DTNB: variants seen among roughly 807,000 people sequenced by gnomAD.
The protein encoded by DTNB is DTN-B.
DTNB carries 63 observed loss-of-function variants against 90.7 expected under a neutral mutation model. The observed-to-expected ratio is 0.69, with a 90% CI of 0.57 to 0.86. The LOEUF (loss-of-function observed/expected upper bound fraction) is 0.86, where lower values mean the gene tolerates loss of function less well. Ranked by LOEUF, DTNB falls within the 40% of genes least tolerant of loss-of-function variation. DTNB has a pLI of 0.00. For synonymous variants in DTNB, 277 were observed against 286.7 expected, an observed-to-expected ratio of 0.97 and a Z score of 0.34; for missense variants, 744 against 807.1, an observed-to-expected ratio of 0.92 and a Z score of 0.95.
intron 2 of DTNB, chr2:25,650,351 A>T (rs2080601341): frequency 3.7e-6 from 2 of 536,710 alleles, no homozygotes; most frequent in African/African-American, 4.1e-5. Context: ...AGCATAGCAG[A>T]TCCTCAATAA....
intron 4 of DTNB, among the ~76,000 whole-genome samples, chr2:25,612,292 C>A (rs2068846201): frequency 6.6e-6 from 1 of 152,006 alleles, no homozygotes; most frequent in Non-Finnish European, 1.5e-5. Context: ...GGTTATCTAA[C>A]AACTATGTTA....
intron 10 of DTNB, among the ~76,000 whole-genome samples, chr2:25,471,089 G>A (rs1052586119): frequency 1.3e-5 from 2 of 152,216 alleles, no homozygotes; most frequent in African/African-American, 4.8e-5. Flanking sequence ...AAAGAAAATA[G>A]TGTGTGCCTT....
intron 3 of DTNB, among the ~76,000 whole-genome samples, chr2:25,634,202 C>G (rs1432544137): frequency 6.9e-6 from 1 of 145,916 alleles, no homozygotes; most frequent in Non-Finnish European, 1.5e-5. Flanking sequence ...AGGGGCCCCT[C>G]TGCCCGGCCA....
intron 1 of DTNB, among the ~76,000 whole-genome samples, chr2:25,668,424 G>T (rs2085017176): frequency 6.6e-6 from 1 of 152,108 alleles, no homozygotes; most frequent in Non-Finnish European, 1.5e-5. Flanking sequence ...CATTTATTCT[G>T]TCTGTACTGT....
intron 12 of DTNB, among the ~76,000 whole-genome samples, chr2:25,449,650 T>A (rs1438569739): frequency 6.6e-6 from 1 of 152,210 alleles, no homozygotes; most frequent in East Asian, 1.9e-4. Context: ...GCTCATTTTT[T>A]AAAAAAGGCT....
At chr2:25,433,867 T>G (rs751775175) in intron 13 of DTNB, 43 bp downstream of exon 13, 1 of 1,603,458 alleles carries the variant, frequency 6.2e-7, no homozygotes, top group Non-Finnish European at 8.5e-7. Flanking sequence ...ACGCACGTGA[T>G]AATCCTGGAC....
chr2:25,433,769 T>C, intron 13 of DTNB, 141 bp downstream of exon 13: 2 of 842,448 alleles, frequency 2.4e-6, no homozygotes, highest in Non-Finnish European at 3.8e-6. Context: ...GGGCATTCCC[T>C]GGACTTGGGC....
At chr2:25,381,204 TGTGC>T (rs1573597061) in intron 19 of DTNB, among the ~76,000 whole-genome samples, 1 of 151,604 alleles carries the variant, frequency 6.6e-6, no homozygotes, top group South Asian at 2.1e-4. Flanking sequence ...TGCATGTGCG[TGTGC>T]GTGTGTGTGC....
chr2:25,650,111 A>T, intron 2 of DTNB: 8 of 985,468 alleles, frequency 8.1e-6, no homozygotes, highest in Non-Finnish European at 9.6e-6. Flanking sequence ...ATTCACAAAG[A>T]AGTAAACCCA....
At chr2:25,461,588 T>C (rs1470001085) in intron 10 of DTNB, among the ~76,000 whole-genome samples, 1 of 152,118 alleles carries the variant, frequency 6.6e-6, no homozygotes, top group African/African-American at 2.4e-5. Flanking sequence ...GTCAATTCAA[T>C]CCATAAAACG....
chr2:25,628,427 G>A (rs1001016473), intron 3 of DTNB, 43 bp from the exon 4 acceptor site: 1 of 1,554,832 alleles, frequency 6.4e-7, no homozygotes, highest in Non-Finnish European at 8.8e-7. Flanking sequence ...TTTAAAGTGT[G>A]GTACTACCCT....
intron 4 of DTNB, 100 bp downstream of exon 4, chr2:25,628,071 A>T: frequency 7.8e-7 from 1 of 1,277,234 alleles, no homozygotes; most frequent in Non-Finnish European, 1.1e-6. Flanking sequence ...CTAAGTTGCC[A>T]GCTTAGCAAG....
chr2:25,637,898 A>C (rs1320173722), intron 3 of DTNB, among the ~76,000 whole-genome samples: 1 of 152,234 alleles, frequency 6.6e-6, no homozygotes, highest in African/African-American at 2.4e-5. Context: ...TGCTATAAAG[A>C]CACATGCACA....
At chr2:25,607,546 A>C (rs1298176303) in intron 4 of DTNB, among the ~76,000 whole-genome samples, 2 of 152,098 alleles carry the variant, frequency 1.3e-5, no homozygotes, top group South Asian at 2.1e-4. Flanking sequence ...TGGAAGTTTT[A>C]GAAACATTCT....
At chr2:25,582,380 G>A (rs923736758) in intron 6 of DTNB, among the ~76,000 whole-genome samples, 4 of 152,096 alleles carry the variant, frequency 2.6e-5, no homozygotes, top group African/African-American at 9.7e-5. Flanking sequence ...GGAGAATCTT[G>A]ATTCCAGTAT....
intron 11 of DTNB, among the ~76,000 whole-genome samples, chr2:25,454,311 CTA>C (rs567026850): frequency 4.3e-4 from 65 of 152,216 alleles, no homozygotes; most frequent in African/African-American, 1.6e-3. Flanking sequence ...TCCCAACTGA[CTA>C]TTAATTTATT....
At chr2:25,533,258 C>T (rs775418976) in intron 8 of DTNB, among the ~76,000 whole-genome samples, 31 of 152,224 alleles carry the variant, frequency 2.0e-4, no homozygotes, top group East Asian at 5.8e-4. Context: ...CCCGGGCCGA[C>T]GAGGCTGCAG....
intron 8 of DTNB, among the ~76,000 whole-genome samples, chr2:25,572,384 G>A (rs997924404): frequency 2.0e-5 from 3 of 151,558 alleles, no homozygotes; most frequent in African/African-American, 4.9e-5. Flanking sequence ...GGAGAATGGC[G>A]TGAACCCAGG....
intron 12 of DTNB, among the ~76,000 whole-genome samples, chr2:25,436,229 G>T (rs1439372037): frequency 6.6e-6 from 1 of 152,124 alleles, no homozygotes; most frequent in Non-Finnish European, 1.5e-5. Flanking sequence ...CAGCTACTTG[G>T]GAGGCTGAGG....
Sources: allele counts gnomAD v4.1 joint callset (sites outside exome capture counted in the v4.1 genomes callset), GRCh38; gene constraint gnomAD v4.1.1; transcripts MANE v1.5; gene names NCBI Gene and HGNC (gene_info 2026-07-23, HGNC 2026-07-21).